TNFAIP8: variants seen among roughly 807,000 people sequenced by gnomAD.
TNFAIP8 encodes the protein tumor necrosis factor alpha-induced protein 8.
Under a neutral mutation model 13.3 loss-of-function variants are expected in TNFAIP8, and 7 were observed. The observed-to-expected ratio is 0.52, with a 90% CI of 0.30 to 0.99. The LOEUF (loss-of-function observed/expected upper bound fraction) is 0.99. Among genes scored for constraint, TNFAIP8 ranks in the 50% least tolerant of loss-of-function variants. The probability of loss-of-function intolerance (pLI) is 0.07; values close to 1 mark genes in which losing one functional copy is unlikely to be tolerated. For synonymous variants in TNFAIP8, 94 were observed against 87.6 expected, an observed-to-expected ratio of 1.07 and a Z score of -0.41; for missense variants, 258 against 236.9, an observed-to-expected ratio of 1.09 and a Z score of -0.58.
intron 1 of TNFAIP8, among the ~76,000 whole-genome samples, chr5:119,377,215 A>G (rs1386766226): frequency 6.6e-6 from 1 of 152,050 alleles, no homozygotes; most frequent in Non-Finnish European, 1.5e-5. Context: ...CAGCCTGGGC[A>G]ACATAGCGAG....
chr5:119,366,624 C>T (rs966087247), intron 1 of TNFAIP8, among the ~76,000 whole-genome samples: 1 of 152,170 alleles, frequency 6.6e-6, no homozygotes, highest in Non-Finnish European at 1.5e-5. Context: ...TCGTGATGCC[C>T]ATTTCTGGAG....
chr5:119,379,617 G>A (rs557862853), intron 1 of TNFAIP8, among the ~76,000 whole-genome samples: 126 of 152,040 alleles, frequency 8.3e-4, no homozygotes, highest in African/African-American at 3.0e-3. Context: ...TTTGAGACAG[G>A]GTCTCATCTG....
upstream of TNFAIP8, chr5:119,355,039 C>T: frequency 2.6e-6 from 1 of 389,318 alleles, no homozygotes; most frequent in Non-Finnish European, 4.7e-6. Context: ...CAGCTCTTGT[C>T]CCCGCTTTGC....
At chr5:119,271,682 A>G (rs749971860) in intron 1 of TNFAIP8, among the ~76,000 whole-genome samples, 3 of 152,220 alleles carry the variant, frequency 2.0e-5, no homozygotes, top group Non-Finnish European at 4.4e-5. Flanking sequence ...ACAGGGGCCA[A>G]TCTGGATAAC....
At chr5:119,358,099 CT>C (rs5870854) in intron 1 of TNFAIP8, among the ~76,000 whole-genome samples, 52,566 of 141,442 alleles carry the variant, frequency 0.37, 9,689 homozygotes, top group South Asian at 0.52. Flanking sequence ...TTATACGTAG[CT>C]TTTTTTTTTT....
intron 1 of TNFAIP8, chr5:119,333,152 C>G: frequency 1.1e-6 from 1 of 919,494 alleles, no homozygotes; most frequent in Non-Finnish European, 1.3e-6. Flanking sequence ...CATGTTGAAA[C>G]GTTAGACTTC....
In TNFAIP8 at chr5:119,346,496, G is replaced by A. The variant is rs145513209; in HGVS notation, c.2-46320G>A. Among the ~76,000 whole-genome samples the A allele has an allele frequency of 4.4e-3, 674 of 152,316 alleles. 7 individuals are homozygous for A. The highest frequency in any genetic ancestry group is 0.016 in the African/African-American group (656 of 41,570). On this transcript the variant is annotated intron_variant, in intron 1 of 1. Transcript: ENST00000274456. Reference sequence around the variant, plus strand: ...TCCCTTCTGTGTCTTCACATAGTGAGTAATGAAGGGTGAATTTCGAGCTGT... The same window carrying A: ...TCCCTTCTGTGTCTTCACATAGTGAATAATGAAGGGTGAATTTCGAGCTGT...
At chr5:119,292,410 C>G (rs1749015776) in intron 1 of TNFAIP8, among the ~76,000 whole-genome samples, 1 of 151,720 alleles carries the variant, frequency 6.6e-6, no homozygotes, top group Non-Finnish European at 1.5e-5. Flanking sequence ...TGTCTTTGGA[C>G]TTTTCATTTC....
chr5:119,317,323 T>C (rs903285586), intron 1 of TNFAIP8, among the ~76,000 whole-genome samples: 1 of 152,076 alleles, frequency 6.6e-6, no homozygotes, highest in Non-Finnish European at 1.5e-5. Flanking sequence ...GCTTTTAAAT[T>C]GTTTGGCCTG....
At chr5:119,391,759 CAAAAA>C (rs1189646198) in intron 1 of TNFAIP8, among the ~76,000 whole-genome samples, 3 of 79,490 alleles carry the variant, frequency 3.8e-5, no homozygotes, top group Admixed American at 2.7e-4. Flanking sequence ...AACTCCGTCT[CAAAAA>C]AAAAAAAAAA....
chr5:119,342,843 C>T (rs984921089), intron 1 of TNFAIP8, among the ~76,000 whole-genome samples: 1 of 152,210 alleles, frequency 6.6e-6, no homozygotes, highest in Admixed American at 6.5e-5. Flanking sequence ...TGAAGGGAAG[C>T]TCACTCCTAG....
chr5:119,375,242 A>G (rs917424677), intron 1 of TNFAIP8, among the ~76,000 whole-genome samples: 2 of 152,190 alleles, frequency 1.3e-5, no homozygotes, highest in African/African-American at 4.8e-5. Flanking sequence ...TGTGATCCCT[A>G]CGTTAACCTC....
intron 1 of TNFAIP8, among the ~76,000 whole-genome samples, chr5:119,303,371 A>T (rs1000583158): frequency 1.3e-5 from 2 of 152,000 alleles, no homozygotes; most frequent in African/African-American, 4.8e-5. Flanking sequence ...AAGGTGTTTC[A>T]CCTCCTTCCT....
At chr5:119,387,720 A>T (rs1356909393) in intron 1 of TNFAIP8, among the ~76,000 whole-genome samples, 2 of 152,214 alleles carry the variant, frequency 1.3e-5, no homozygotes, top group Non-Finnish European at 2.9e-5. Flanking sequence ...AATTCCCTAA[A>T]TATCACTTTG....
rs566181372 is a variant in TNFAIP8, at chr5:119,339,550, C to G, written c.2-53266C>G. Among the ~76,000 whole-genome samples the G allele has an allele frequency of 4.0e-5, 6 of 150,666 alleles. No homozygotes were observed. The South Asian group carries it at 1.3e-3, about 32-fold the overall frequency. On this transcript the variant is annotated intron_variant, in intron 1 of 1. Coordinates refer to the TNFAIP8 transcript ENST00000274456. ...AATGGGGCCCTGTATATGGGATTGC[C>G]AACCCCTGATGACAAATGTCAGATG...
chr5:119,381,412 G>T (rs978389869), intron 1 of TNFAIP8, among the ~76,000 whole-genome samples: 2 of 152,110 alleles, frequency 1.3e-5, no homozygotes, highest in Admixed American at 1.3e-4. Context: ...AAGCATGGTG[G>T]TGTGCCTGTT....
intron 1 of TNFAIP8, among the ~76,000 whole-genome samples, chr5:119,278,863 C>T (rs1399780897): frequency 6.6e-6 from 1 of 152,096 alleles, no homozygotes; most frequent in Non-Finnish European, 1.5e-5. Context: ...TATTCTTTTT[C>T]ATTTTAAAAC....
chr5:119,291,653 G>C (rs1440539112), intron 1 of TNFAIP8, among the ~76,000 whole-genome samples: 1 of 152,210 alleles, frequency 6.6e-6, no homozygotes, highest in East Asian at 1.9e-4. Flanking sequence ...TCATGCATAT[G>C]TTTATGGGAT....
At chr5:119,364,979 G>C (rs895907234) in intron 1 of TNFAIP8, among the ~76,000 whole-genome samples, 1 of 150,232 alleles carries the variant, frequency 6.7e-6, no homozygotes, top group Admixed American at 6.7e-5. Flanking sequence ...AGCCTCCCGA[G>C]TAGCTGGGAT....
Sources: gnomAD v4.1 joint callset for allele counts (sites outside exome capture counted in the v4.1 genomes callset) on GRCh38, gnomAD v4.1.1 for gene constraint, MANE v1.5 for transcripts, NCBI Gene and HGNC (gene_info 2026-07-23, HGNC 2026-07-21) for gene names.